Variants in GRIK2 observed in about 807,000 individuals in gnomAD.
The protein encoded by GRIK2 is glutamate ionotropic receptor kainate type subunit 2.
Under a neutral mutation model 100.3 loss-of-function variants are expected in GRIK2, and 32 were observed. The ratio of observed to expected loss-of-function variants is 0.32; its 90% confidence interval spans 0.24 to 0.43. The LOEUF (loss-of-function observed/expected upper bound fraction) is 0.43. GRIK2 is among the 20% of genes least tolerant of loss of function. The pLI is 1.00. For synonymous variants in GRIK2, 417 were observed against 389.4 expected (o/e 1.07, Z -0.83); for missense variants, 843 against 1,114.9 (o/e 0.76, Z 3.47).
intron 2 of GRIK2, among the ~76,000 whole-genome samples, chr6:101,598,160 C>A (rs757372276): frequency 1.3e-5 from 2 of 151,738 alleles, no homozygotes; most frequent in Non-Finnish European, 2.9e-5. Flanking sequence ...TTTCCTTCTG[C>A]ATTTTCACTT....
intron 2 of GRIK2, among the ~76,000 whole-genome samples, chr6:101,422,212 C>G (rs1776444722): frequency 6.6e-6 from 1 of 152,038 alleles, no homozygotes; most frequent in African/African-American, 2.4e-5. Flanking sequence ...AGGTTTTTAC[C>G]CAATTGATTA....
intron 7 of GRIK2, among the ~76,000 whole-genome samples, chr6:101,731,827 C>A (rs960783732): frequency 6.6e-6 from 1 of 151,908 alleles, no homozygotes; most frequent in Non-Finnish European, 1.5e-5. Context: ...ATGTCAGTTA[C>A]CTACAATTTA....
chr6:101,884,265 T>C (rs1429514258), intron 11 of GRIK2, among the ~76,000 whole-genome samples: 1 of 152,180 alleles, frequency 6.6e-6, no homozygotes, highest in Non-Finnish European at 1.5e-5. Context: ...ATTACCAATT[T>C]ATTCGTATGA....
At chr6:102,055,632 T>C (rs758039890) in intron 16 of GRIK2, 52 bp downstream of exon 16, 9 of 1,364,870 alleles carry the variant, frequency 6.6e-6, no homozygotes, top group African/African-American at 1.4e-5. Flanking sequence ...GTTGTTACAA[T>C]AAAACACAAA....
chr6:102,007,130 A>G (rs888453260), intron 14 of GRIK2, among the ~76,000 whole-genome samples: 2 of 152,274 alleles, frequency 1.3e-5, no homozygotes, highest in East Asian at 3.9e-4. Context: ...TAATATACCA[A>G]ATTGAATATG....
intron 2 of GRIK2, among the ~76,000 whole-genome samples, chr6:101,576,881 AT>A (rs1283334447): frequency 6.7e-6 from 1 of 148,418 alleles, no homozygotes; most frequent in Non-Finnish European, 1.5e-5. Flanking sequence ...AACAAGATCC[AT>A]TTCAGGAAAA....
intron 2 of GRIK2, among the ~76,000 whole-genome samples, chr6:101,439,161 T>C (rs1247418013): frequency 6.6e-6 from 1 of 152,126 alleles, no homozygotes; most frequent in Non-Finnish European, 1.5e-5. Context: ...GTGTATCTCA[T>C]TGGGTCTATA....
intron 14 of GRIK2, among the ~76,000 whole-genome samples, chr6:102,001,789 G>T (rs1212359025): frequency 6.6e-6 from 1 of 151,664 alleles, no homozygotes. Flanking sequence ...TTTTCATTCA[G>T]ATCAGAATGC....
At chr6:101,523,486 A>G (rs1774988077) in intron 2 of GRIK2, among the ~76,000 whole-genome samples, 1 of 152,188 alleles carries the variant, frequency 6.6e-6, no homozygotes, top group Non-Finnish European at 1.5e-5. Flanking sequence ...CATGAACTGT[A>G]TCTTAAAGCT....
chr6:101,938,964 T>G (rs2128474971), intron 14 of GRIK2, among the ~76,000 whole-genome samples: 1 of 152,160 alleles, frequency 6.6e-6, no homozygotes, highest in South Asian at 2.1e-4. Context: ...TGATTATCTC[T>G]AAAGGTAGGT....
chr6:101,641,633 A>C (rs1045815187), intron 4 of GRIK2, among the ~76,000 whole-genome samples: 1 of 152,014 alleles, frequency 6.6e-6, no homozygotes, highest in Non-Finnish European at 1.5e-5. Context: ...TCCTATTATT[A>C]AAGAAAACAA....
At chr6:101,854,071 A>T (rs1784285376) in intron 10 of GRIK2, among the ~76,000 whole-genome samples, 2 of 152,156 alleles carry the variant, frequency 1.3e-5, no homozygotes, top group Admixed American at 1.3e-4. Context: ...CCCATAAGGT[A>T]AACTATGGAC....
chr6:102,064,428 C>CTT, intron 16 of GRIK2, among the ~76,000 whole-genome samples: 1 of 95,786 alleles, frequency 1.0e-5, no homozygotes, highest in Non-Finnish European at 2.3e-5. Flanking sequence ...CTTTCTTTCT[C>CTT]TCTTTCTCTG....
chr6:101,667,500 G>GA (rs1183896016), intron 4 of GRIK2, among the ~76,000 whole-genome samples: 1 of 151,874 alleles, frequency 6.6e-6, no homozygotes, highest in Non-Finnish European at 1.5e-5. Context: ...TTTGAGAAGA[G>GA]AAAAAAATAC....
Position 101,909,989 on chromosome 6 carries a change from T to C in GRIK2, c.1749-14612T>C, listed in dbSNP as rs1387457290. On this transcript the variant is annotated intron_variant, in intron 12 of 16. Coordinates refer to ENST00000369134, the MANE Select transcript of GRIK2 (RefSeq NM_021956.5). ...TGAGTTTTGAGAACAGATAAACTGA[T>C]AGAAGTGTTGTATAAAATCTCTAGT... 1.4e-4 allele frequency among the ~76,000 whole-genome samples: 6 copies of C among 41,718 alleles called. 1 individual carries two copies. The highest frequency in any genetic ancestry group is 5.4e-4 in the African/African-American group (5 of 9,268). 27.4% of individuals were successfully genotyped at this position (41,718 alleles called of 152,430 possible). A position where few individuals can be genotyped will look rare whatever the true frequency, so the allele number is the denominator to read the frequency against.
At chr6:101,797,271 A>C (rs1313578670) in intron 7 of GRIK2, among the ~76,000 whole-genome samples, 2 of 148,576 alleles carry the variant, frequency 1.3e-5, no homozygotes, top group Admixed American at 1.3e-4. Context: ...AATTTTACTC[A>C]TGATTAATTC....
At chr6:101,793,647 G>T (rs550483074) in intron 7 of GRIK2, among the ~76,000 whole-genome samples, 1 of 152,150 alleles carries the variant, frequency 6.6e-6, no homozygotes. Context: ...TAGGCTGCTC[G>T]GGGGTCAGGG....
At chr6:101,979,943 G>A (rs890940740) in intron 14 of GRIK2, among the ~76,000 whole-genome samples, 7 of 151,928 alleles carry the variant, frequency 4.6e-5, no homozygotes, top group African/African-American at 1.7e-4. Context: ...ACCAATTAAA[G>A]CTGTGGCGAT....
intron 7 of GRIK2, among the ~76,000 whole-genome samples, chr6:101,706,492 T>C (rs1562323806): frequency 6.6e-6 from 1 of 151,958 alleles, no homozygotes; most frequent in Non-Finnish European, 1.5e-5. Flanking sequence ...TATCATCAAA[T>C]ATTGTATCTG....
Sources: gnomAD v4.1 joint callset for allele counts (sites outside exome capture counted in the v4.1 genomes callset) on GRCh38, gnomAD v4.1.1 for gene constraint, MANE v1.5 for transcripts, NCBI Gene and HGNC (gene_info 2026-07-23, HGNC 2026-07-21) for gene names.